Variants in TDRD7 observed in about 807,000 individuals in gnomAD.
TDRD7 encodes tudor domain containing 7.
TDRD7 carries 47 observed loss-of-function variants against 109.8 expected under a neutral mutation model. The observed-to-expected ratio is 0.43, with a 90% CI of 0.34 to 0.55. The LOEUF (loss-of-function observed/expected upper bound fraction) is 0.55. Ranked by LOEUF, TDRD7 falls within the 20% of genes least tolerant of loss-of-function variation. TDRD7 has a pLI of 0.03. For synonymous variants in TDRD7, 424 were observed against 457.3 expected, an observed-to-expected ratio of 0.93 and a Z score of 0.93; for missense variants, 1,164 against 1,319.2, an observed-to-expected ratio of 0.88 and a Z score of 1.82.
chr9:97,469,406 G>A (rs570619436), intron 8 of TDRD7, among the ~76,000 whole-genome samples: 29 of 152,314 alleles, frequency 1.9e-4, no homozygotes, highest in African/African-American at 5.3e-4. Flanking sequence ...CCACAGGCCC[G>A]CTTATCACAT....
rs1303282359 is a variant in TDRD7, at chr9:97,412,232, G to GA, written c.-11dup. 1 of 152,260 alleles carries GA rather than the reference G, an allele frequency of 6.6e-6. No homozygotes were observed. Among genetic ancestry groups the GA allele is most frequent in the East Asian group, 1.9e-4 (1 of 5,174 alleles). 9.4% of individuals were successfully genotyped at this position (152,260 alleles called of 1,614,324 possible). ...CGCGGGGACGGGCCGTGGGCCCCCG[G>GA]AACGAGGTGAGTGCAGGTCCTGCGG... On this transcript the variant is annotated 5_prime_UTR_variant, in exon 1 of 17. Transcript: ENST00000355295. This position sits in a 1 kb window ranked among gnomAD's most constrained non-coding sequence, Gnocchi z 4.3.
intron 8 of TDRD7, 121 bp from the exon 9 acceptor site, chr9:97,470,437 C>T: frequency 1.1e-6 from 1 of 905,194 alleles, no homozygotes; most frequent in South Asian, 1.5e-5. Flanking sequence ...CAGCTTTTTC[C>T]AGGTGCCACT....
chr9:97,422,940 TTTG>T (rs1827923108), intron 1 of TDRD7, among the ~76,000 whole-genome samples: 1 of 152,224 alleles, frequency 6.6e-6, no homozygotes, highest in Admixed American at 6.5e-5. Context: ...TTGCTAATGT[TTTG>T]TTAAGAATTT....
intron 6 of TDRD7, among the ~76,000 whole-genome samples, chr9:97,455,214 C>T (rs1246134308): frequency 6.6e-6 from 1 of 152,152 alleles, no homozygotes; most frequent in Non-Finnish European, 1.5e-5. Flanking sequence ...AGCCCGGGCC[C>T]AGGTGGATTC....
chr9:97,480,008 A>C (rs1313177108), intron 13 of TDRD7, among the ~76,000 whole-genome samples: 3 of 152,144 alleles, frequency 2.0e-5, no homozygotes, highest in Non-Finnish European at 4.4e-5. Flanking sequence ...CCTCTCCAAC[A>C]AGAAAGGTAC....
chr9:97,469,283 C>G (rs1161246276), intron 8 of TDRD7, among the ~76,000 whole-genome samples: 1 of 152,198 alleles, frequency 6.6e-6, no homozygotes, highest in Admixed American at 6.5e-5. Flanking sequence ...GACTTGTGCA[C>G]TTAAATGGCC....
At chr9:97,420,268 A>G (rs554260164) in intron 1 of TDRD7, among the ~76,000 whole-genome samples, 2 of 151,996 alleles carry the variant, frequency 1.3e-5, no homozygotes, top group South Asian at 2.1e-4. Flanking sequence ...CCATAGTGAC[A>G]GAAAGCAGAT....
Position 97,438,920 on chromosome 9 carries a change from A to G in TDRD7, c.564-325A>G, listed in dbSNP as rs926531710. 4.6e-5 allele frequency among the ~76,000 whole-genome samples: 7 copies of G among 151,898 alleles called. No homozygotes were observed. The East Asian group carries it at 9.6e-4, about 21-fold the overall frequency. On this transcript the variant is annotated intron_variant, in intron 4 of 16. Transcript: ENST00000355295. ...TATTCCAAAATGTTCTTTGTTTCCA[A>G]CTGTTTATTTTTGCATGGTCTTCTT...
At position 97,440,052 on chromosome 9, in the gene TDRD7, T is replaced by G. The variant is rs147855123; in HGVS notation, c.637+734T>G. ...TCTTACTTAGTTGAAATGCTTTTTTTTTTATAAGAACACATCTCCAGTATT... is the reference window on the plus strand; with the variant it reads ...TCTTACTTAGTTGAAATGCTTTTTTGTTTATAAGAACACATCTCCAGTATT... On this transcript the variant is annotated intron_variant, in intron 5 of 16. Coordinates refer to ENST00000355295, the MANE Select transcript of TDRD7 (RefSeq NM_014290.3). 2.1e-3 allele frequency among the ~76,000 whole-genome samples: 327 copies of G among 152,356 alleles called. 5 individuals are homozygous for G. Among genetic ancestry groups the G allele is most frequent in the African/African-American group, 7.5e-3 (312 of 41,586 alleles).
At position 97,460,332 on chromosome 9, in the gene TDRD7, T is replaced by C. The variant is rs765151533; in HGVS notation, c.1010T>C (p.Met337Thr). The C allele has an allele frequency of 5.0e-6, 8 of 1,614,192 alleles. No homozygotes were observed. Among genetic ancestry groups the C allele is most frequent in the South Asian group, 3.3e-5 (3 of 91,088 alleles). ...CCGTTGAAAGGGTGTCCAACAGTTA[T>C]GGCAGGAGACTTTAAAGAAAAAGTG... ...TPPLKGCPTV[M>T]AGDFKEKVAD... The change falls in exon 7 of 17, where the codon ATG becomes ACG. Residue 337 changes from methionine to threonine, a missense_variant. By Grantham distance (81) the Met-to-Thr change is moderately conservative (BLOSUM62 -1). Transcript: ENST00000355295.
intron 1 of TDRD7, among the ~76,000 whole-genome samples, chr9:97,427,231 A>C (rs780372740): frequency 1.3e-5 from 2 of 152,056 alleles, no homozygotes; most frequent in Non-Finnish European, 2.9e-5. Context: ...CTCTGAATGT[A>C]TCTCCTGAAT....
Position 97,432,241 on chromosome 9 carries a change from A to T in TDRD7, c.563+3A>T. The T allele has an allele frequency of 6.2e-7, 1 of 1,613,330 alleles. No homozygotes were observed. Among genetic ancestry groups the T allele is most frequent in the African/African-American group, 1.3e-5 (1 of 75,032 alleles). On this transcript the variant is annotated splice_donor_region_variant and intron_variant, in intron 4 of 16. Coordinates refer to ENST00000355295, the MANE Select transcript of TDRD7 (RefSeq NM_014290.3). The stretch of plus-strand genomic sequence containing the variant: ...GTGACCATGTCCACCAACAACAGGT[A>T]TTTGGCCTCTGACTCACAGAAGTTT...
At chr9:97,414,925 TAAG>T in intron 1 of TDRD7, among the ~76,000 whole-genome samples, 1 of 152,338 alleles carries the variant, frequency 6.6e-6, no homozygotes, top group Non-Finnish European at 1.5e-5. Flanking sequence ...ATTTGTAAGA[TAAG>T]GAGCTTGGGT....
rs116973630 is a variant in TDRD7, at chr9:97,470,506, A to G, written c.1630-52A>G. On this transcript the variant is annotated intron_variant, in intron 8 of 16. Transcript: ENST00000355295. ...TGAGCCAATTAAGTGTATCAAATGA[A>G]TTTTTTAAAGAGAGGATAAAGAACT... 11,513 of 1,520,708 alleles carry G rather than the reference A, an allele frequency of 7.6e-3. 60 individuals carry two copies. The highest frequency in any genetic ancestry group is 9.2e-3 in the Non-Finnish European group (10,087 of 1,098,898). The allele number at this position is 1,520,708 out of a possible 1,614,324, so 94.2% of individuals were successfully genotyped here.
At chr9:97,494,493 G>A (rs1829361343) in intron 16 of TDRD7, among the ~76,000 whole-genome samples, 1 of 152,118 alleles carries the variant, frequency 6.6e-6, no homozygotes, top group Non-Finnish European at 1.5e-5. Flanking sequence ...CAGGGCTGCT[G>A]CAGATAAAAT....
chr9:97,495,766 T>C lies in TDRD7; in HGVS notation c.3180T>C (p.Ala1060=). ...VALVQTVIEN[A]NPWDRKVVVY... Reference sequence around the variant, plus strand: ...TGGTGCAGACAGTCATTGAAAATGCTAACCCTTGGGACCGGAAAGTAGTGG... The same window carrying C: ...TGGTGCAGACAGTCATTGAAAATGCCAACCCTTGGGACCGGAAAGTAGTGG... The change falls in exon 17 of 17, where the codon GCT becomes GCC. Residue 1060 remains alanine, a synonymous_variant. Coordinates refer to ENST00000355295, the MANE Select transcript of TDRD7 (RefSeq NM_014290.3). 1 of 1,614,226 alleles carries C rather than the reference T, an allele frequency of 6.2e-7. No individual in the cohort carries two copies. The highest frequency in any genetic ancestry group is 8.5e-7 in the Non-Finnish European group (1 of 1,180,036).
intron 4 of TDRD7, among the ~76,000 whole-genome samples, chr9:97,437,146 A>G (rs977462329): frequency 3.3e-5 from 5 of 152,160 alleles, no homozygotes; most frequent in Non-Finnish European, 7.4e-5. Flanking sequence ...AGCTTACAAC[A>G]AGACACATTT....
chr9:97,466,170 C>T (rs920988796), intron 8 of TDRD7, among the ~76,000 whole-genome samples: 1 of 152,178 alleles, frequency 6.6e-6, no homozygotes, highest in African/African-American at 2.4e-5. Context: ...TCCCTGAACA[C>T]AGGCTTAAGT....
At chr9:97,417,303 T>C (rs1183309732) in intron 1 of TDRD7, among the ~76,000 whole-genome samples, 1 of 152,184 alleles carries the variant, frequency 6.6e-6, no homozygotes, top group Non-Finnish European at 1.5e-5. Flanking sequence ...CTTGGCTTTT[T>C]GTCTGAGTTA....
Sources: allele counts gnomAD v4.1 joint callset (sites outside exome capture counted in the v4.1 genomes callset), GRCh38; gene constraint gnomAD v4.1.1; non-coding constraint Gnocchi (gnomAD v3.1); transcripts MANE v1.5; gene names NCBI Gene and HGNC (gene_info 2026-07-23, HGNC 2026-07-21).